MID1: variants seen among roughly 807,000 people sequenced by gnomAD.
MID1 encodes the protein midline 1.
A neutral mutation model predicts 40.4 loss-of-function variants in MID1; 7 were observed. The observed-to-expected ratio is 0.17, with a 90% CI of 0.10 to 0.33. The LOEUF (loss-of-function observed/expected upper bound fraction) is 0.33. Among genes scored for constraint, MID1 ranks in the 10% least tolerant of loss-of-function variants. MID1 has a pLI of 1.00. For missense variants in MID1, 367 were observed against 558.5 expected (o/e 0.66, Z 3.46); for synonymous variants, 229 against 221.2 (o/e 1.04, Z -0.31).
intron 1 of MID1, among the ~76,000 whole-genome samples, chrX:10,702,449 A>G (rs760810218): frequency 3.6e-5 from 4 of 112,602 alleles, no homozygotes; most frequent in South Asian, 3.7e-4. Flanking sequence ...GAATAGTTTT[A>G]TTATACAAAC....
rs1928109171 is a variant in MID1, at chrX:10,447,990, CT to C, written c.*1377del. On this transcript the variant is annotated 3_prime_UTR_variant, in exon 10 of 10. Transcript: ENST00000317552. The stretch of plus-strand genomic sequence containing the variant: ...TCAAACTAGAACCAATGCCAGAGTT[CT>C]GGGCCAAGAACTGCTCAAGAAAGCC... 1 of 112,225 alleles carries C rather than the reference CT, an allele frequency of 8.9e-6. No individual in the cohort carries two copies. The highest frequency in any genetic ancestry group is 1.9e-5 in the Non-Finnish European group (1 of 53,273). The allele number at this position is 112,225 out of a possible 1,213,427, so 9.2% of individuals were successfully genotyped here.
At chrX:10,734,108 T>C (rs2043471352) in intron 1 of MID1, among the ~76,000 whole-genome samples, 1 of 112,333 alleles carries the variant, frequency 8.9e-6, no homozygotes, top group African/African-American at 3.2e-5. Context: ...TGCAGCACTA[T>C]TCACAATAGC....
chrX:10,643,994 G>A (rs907106727), intron 1 of MID1, among the ~76,000 whole-genome samples: 17 of 109,908 alleles, frequency 1.5e-4, no homozygotes, highest in African/African-American at 4.6e-4. Flanking sequence ...ATCACACACC[G>A]GGGCCTGTTG....
At chrX:10,626,336 T>C (rs1469278113) in intron 1 of MID1, among the ~76,000 whole-genome samples, 3 of 106,563 alleles carry the variant, frequency 2.8e-5, no homozygotes, top group African/African-American at 1.0e-4. Context: ...TTATTATTAT[T>C]ATTATTATTA....
At chrX:10,572,153 TTC>T (rs202217291) in intron 1 of MID1, among the ~76,000 whole-genome samples, 1 of 84,671 alleles carries the variant, frequency 1.2e-5, no homozygotes, top group African/African-American at 4.9e-5. Flanking sequence ...CTCTCTCTCT[TTC>T]TCTCTCTCTC....
intron 1 of MID1, among the ~76,000 whole-genome samples, chrX:10,580,781 T>G (rs1037872603): frequency 9.1e-6 from 1 of 109,368 alleles, no homozygotes; most frequent in African/African-American, 3.3e-5. Flanking sequence ...GTCAGATGAG[T>G]GATGAGCTGA....
chrX:10,768,857 G>T (rs192152864), intron 1 of MID1, among the ~76,000 whole-genome samples: 1 of 111,052 alleles, frequency 9.0e-6, no homozygotes, highest in East Asian at 2.8e-4. Flanking sequence ...ATATAACAAC[G>T]GCTCCAAACC....
chrX:10,680,663 T>G (rs1461330205), intron 1 of MID1, among the ~76,000 whole-genome samples: 2 of 111,541 alleles, frequency 1.8e-5, no homozygotes, highest in Non-Finnish European at 3.8e-5. Context: ...TAAATTGAAC[T>G]GCCAAAAGCT....
chrX:10,698,744 A>C (rs1374856147), intron 1 of MID1, among the ~76,000 whole-genome samples: 1 of 110,176 alleles, frequency 9.1e-6, no homozygotes, highest in Non-Finnish European at 1.9e-5. Context: ...AAAAAAAAAA[A>C]AAACACCGCA....
chrX:10,523,317 T>A (rs1285842108), intron 2 of MID1, 130 bp from the exon 3 acceptor site: 1 of 497,276 alleles, frequency 2.0e-6, no homozygotes, highest in Non-Finnish European at 3.4e-6. Flanking sequence ...TCGACATAAT[T>A]TCAAGTATTT....
intron 5 of MID1, among the ~76,000 whole-genome samples, chrX:10,479,172 T>C (rs1018560121): frequency 5.4e-5 from 6 of 112,050 alleles, no homozygotes; most frequent in African/African-American, 1.9e-4. Flanking sequence ...CTGAAACCAA[T>C]TTTTTTAAAT....
intron 1 of MID1, among the ~76,000 whole-genome samples, chrX:10,655,527 C>A (rs769187849): frequency 9.0e-6 from 1 of 111,067 alleles, no homozygotes; most frequent in East Asian, 2.9e-4. Flanking sequence ...GCAGACAGGT[C>A]ATTCTACCAT....
At chrX:10,649,487 C>T (rs1447566300) in intron 1 of MID1, among the ~76,000 whole-genome samples, 1 of 111,923 alleles carries the variant, frequency 8.9e-6, no homozygotes, top group Non-Finnish European at 1.9e-5. Context: ...ATGTGTGTGC[C>T]CACTAACGTC....
intron 1 of MID1, among the ~76,000 whole-genome samples, chrX:10,704,639 G>A (rs2043213586): frequency 9.6e-6 from 1 of 104,306 alleles, no homozygotes; most frequent in Admixed American, 1.1e-4. Context: ...TGGTATTATT[G>A]TAAAAGGAGA....
In MID1 at chrX:10,676,104, A is replaced by T. The variant is rs1358512736; in HGVS notation, c.-186-55685T>A. ...CTCACAGGAAACAGACAATTGAAAA[A>T]TTTCCAGAAGGACCGGGTTTTTCTC... On this transcript the variant is annotated intron_variant, in intron 1 of 10. Coordinates refer to the MID1 transcript ENST00000380785. Among the ~76,000 whole-genome samples, 3 of 111,887 alleles carry T rather than the reference A, an allele frequency of 2.7e-5. No individual in the cohort carries two copies. The Admixed American group carries it at 2.9e-4, about 11-fold the overall frequency.
intron 1 of MID1, among the ~76,000 whole-genome samples, chrX:10,770,909 T>A (rs900259027): frequency 5.5e-5 from 6 of 109,977 alleles, no homozygotes; most frequent in Non-Finnish European, 1.1e-4. Flanking sequence ...GTCGAGACCA[T>A]CCTGGCTAAC....
intron 1 of MID1, among the ~76,000 whole-genome samples, chrX:10,745,450 A>T (rs1273963282): frequency 1.8e-5 from 2 of 112,047 alleles, no homozygotes; most frequent in East Asian, 5.6e-4. Context: ...AGCAGACATC[A>T]CCCTATCCTA....
At chrX:10,510,744 A>G (rs994075526) in intron 3 of MID1, among the ~76,000 whole-genome samples, 4 of 101,940 alleles carry the variant, frequency 3.9e-5, no homozygotes, top group Non-Finnish European at 7.9e-5. Context: ...AGACAGGAGA[A>G]TTGCTTGAAC....
In MID1 at chrX:10,760,682, T is replaced by C. The variant is rs12007629; in HGVS notation, c.-187+72872A>G. ...TACCAAAAATAAAAAATTAGCTGGA[T>C]GTTATGGTGCCTGCCTGTAGTTCCA... is the stretch of plus-strand genomic sequence containing the variant. On this transcript the variant is annotated intron_variant, in intron 1 of 10. Transcript: ENST00000380785. 1.7e-3 allele frequency among the ~76,000 whole-genome samples: 184 copies of C among 111,297 alleles called. 2 individuals are homozygous for C. Among genetic ancestry groups the C allele is most frequent in the African/African-American group, 5.5e-3 (169 of 30,621 alleles).
Sources: allele counts gnomAD v4.1 joint callset (sites outside exome capture counted in the v4.1 genomes callset), GRCh38; gene constraint gnomAD v4.1.1; transcripts MANE v1.5; gene names NCBI Gene and HGNC (gene_info 2026-07-23, HGNC 2026-07-21).